Variants in TRUB1 observed in about 807,000 individuals in gnomAD.
TRUB1 encodes the protein TruB pseudouridine synthase family member 1.
A neutral mutation model predicts 33.9 loss-of-function variants in TRUB1; 23 were observed. The observed-to-expected ratio is 0.68, with a 90% CI of 0.49 to 0.96. The LOEUF (loss-of-function observed/expected upper bound fraction) is 0.96, where lower values mean the gene tolerates loss of function less well. TRUB1 is among the 40% of genes least tolerant of loss of function. The probability of loss-of-function intolerance (pLI) is 0.00; values close to 1 mark genes in which losing one functional copy is unlikely to be tolerated. For synonymous variants in TRUB1, 163 were observed against 165.4 expected, an observed-to-expected ratio of 0.99 and a Z score of 0.11; for missense variants, 378 against 422.2, an observed-to-expected ratio of 0.90 and a Z score of 0.92.
At chr10:114,959,432 G>A (rs2084275909) in intron 3 of TRUB1, among the ~76,000 whole-genome samples, 1 of 152,148 alleles carries the variant, frequency 6.6e-6, no homozygotes, top group African/African-American at 2.4e-5. Context: ...TCAGTATAAA[G>A]GTGGTTTGAG....
At chr10:114,969,840 G>A (rs920182857) in intron 4 of TRUB1, among the ~76,000 whole-genome samples, 30 of 152,120 alleles carry the variant, frequency 2.0e-4, no homozygotes, top group African/African-American at 5.8e-4. Context: ...ATGTGAGTGT[G>A]TAAAATTTCT....
At chr10:114,965,392 CTT>C (rs1421271250) in intron 4 of TRUB1, among the ~76,000 whole-genome samples, 2 of 152,018 alleles carry the variant, frequency 1.3e-5, no homozygotes, top group Non-Finnish European at 2.9e-5. Flanking sequence ...ATTAAAGTAA[CTT>C]TACATTTCTG....
intron 3 of TRUB1, among the ~76,000 whole-genome samples, chr10:114,956,844 G>A (rs2084263674): frequency 6.6e-6 from 1 of 152,116 alleles, no homozygotes; most frequent in African/African-American, 2.4e-5. Context: ...AAAAATGTGT[G>A]CCAGGGTTTC....
intron 5 of TRUB1, among the ~76,000 whole-genome samples, chr10:114,971,665 G>A (rs1398001210): frequency 1.3e-5 from 2 of 152,086 alleles, no homozygotes; most frequent in African/African-American, 2.4e-5. Flanking sequence ...GCTAAGATAC[G>A]CTAAGTAGGT....
chr10:114,972,332 G>T (rs2084340781), intron 6 of TRUB1, 58 bp downstream of exon 6: 2 of 1,524,784 alleles, frequency 1.3e-6, no homozygotes. Context: ...TTTGTATTTG[G>T]CTACTTTTGT....
intron 4 of TRUB1, among the ~76,000 whole-genome samples, chr10:114,962,118 C>T (rs1478123051): frequency 6.6e-6 from 1 of 152,170 alleles, no homozygotes; most frequent in Non-Finnish European, 1.5e-5. Flanking sequence ...TGCAGTGGTG[C>T]ACTCTTGGCT....
In TRUB1 at chr10:114,938,375, C is replaced by T; in HGVS notation, c.122C>T (p.Ala41Val). ...GCGACCCCGTCAGCAAGGGCTGCAG[C>T]CGCGGTGGTTGCGGCCGCGGCCAGG... ...MAATPSARAA[A>V]AVVAAAARTG... The change falls in exon 1 of 8, where the codon GCC (alanine) becomes GTC (valine). Residue 41 changes from alanine (A) to valine (V), a missense_variant. Coordinates refer to ENST00000298746, the MANE Select transcript of TRUB1 (RefSeq NM_139169.5). The T allele has an allele frequency of 6.2e-7, 1 of 1,609,968 alleles. No individual in the cohort carries two copies. Among genetic ancestry groups the T allele is most frequent in the Non-Finnish European group, 8.5e-7 (1 of 1,178,290 alleles).
At chr10:114,966,624 T>C (rs1268657291) in intron 4 of TRUB1, among the ~76,000 whole-genome samples, 1 of 152,214 alleles carries the variant, frequency 6.6e-6, no homozygotes, top group Non-Finnish European at 1.5e-5. Context: ...TGAAATAAGA[T>C]ATCTCTCTTC....
chr10:114,939,777 A>G (rs990743058), intron 1 of TRUB1, among the ~76,000 whole-genome samples: 1 of 150,922 alleles, frequency 6.6e-6, no homozygotes, highest in African/African-American at 2.4e-5. Flanking sequence ...GTTTTCCTTC[A>G]TAGAACTGCT....
intron 4 of TRUB1, among the ~76,000 whole-genome samples, chr10:114,967,258 A>G (rs1447836528): frequency 1.3e-5 from 2 of 152,216 alleles, no homozygotes; most frequent in East Asian, 1.9e-4. Context: ...ACAAGTGATC[A>G]TGAGACTTGC....
intron 3 of TRUB1, among the ~76,000 whole-genome samples, chr10:114,959,043 G>C (rs747106525): frequency 4.3e-4 from 65 of 152,272 alleles, no homozygotes; most frequent in Non-Finnish European, 8.2e-4. Context: ...GGGTGAGGCA[G>C]GAGAATCGCT....
chr10:114,951,069 T>C, intron 2 of TRUB1, 25 bp from the exon 3 acceptor site: 5 of 1,604,044 alleles, frequency 3.1e-6, no homozygotes, highest in Non-Finnish European at 4.3e-6. Context: ...CAGAGTGTCA[T>C]AATATTTCTT....
Position 114,972,188 on chromosome 10 carries a change from G to T in TRUB1, c.650G>T (p.Gly217Val), listed in dbSNP as rs1262835945. Residue 217 changes from glycine (G) to valine (V), a missense_variant, in exon 6 of 8, where the codon GGT (glycine) becomes GTT (valine). Transcript: ENST00000298746. Reference sequence around the variant, plus strand: ...AGACTTTCGACTTTGATGAAGAGAGGTGAAGTCGTAGAAGCAAAACCTGCC... The same window carrying T: ...AGACTTTCGACTTTGATGAAGAGAGTTGAAGTCGTAGAAGCAAAACCTGCC... ...GQRLSTLMKR[G>V]EVVEAKPARP... 2 of 1,613,544 alleles carry T rather than the reference G, an allele frequency of 1.2e-6. No individual in the cohort carries two copies. Among genetic ancestry groups the T allele is most frequent in the African/African-American group, 2.7e-5 (2 of 74,872 alleles).
chr10:114,974,203 G>A, intron 6 of TRUB1, 126 bp from the exon 7 acceptor site: 1 of 712,656 alleles, frequency 1.4e-6, no homozygotes, highest in Non-Finnish European at 2.4e-6. Flanking sequence ...ATGTTTTAGT[G>A]CATAAATATT....
chr10:114,973,506 C>T (rs2084346096), intron 6 of TRUB1, among the ~76,000 whole-genome samples: 1 of 152,086 alleles, frequency 6.6e-6, no homozygotes, highest in African/African-American at 2.4e-5. Context: ...ATTAAAATCC[C>T]CAGGTGGTGA....
intron 6 of TRUB1, among the ~76,000 whole-genome samples, chr10:114,973,049 A>C (rs1000900460): frequency 1.3e-5 from 2 of 152,044 alleles, no homozygotes; most frequent in Non-Finnish European, 2.9e-5. Flanking sequence ...TTTAGAAATA[A>C]TGTCCCCAAA....
chr10:114,965,835 A>G (rs1057259009), intron 4 of TRUB1, among the ~76,000 whole-genome samples: 1 of 152,130 alleles, frequency 6.6e-6, no homozygotes, highest in Non-Finnish European at 1.5e-5. Flanking sequence ...AAATATTGGT[A>G]TAAAGCTGTT....
intron 1 of TRUB1, among the ~76,000 whole-genome samples, chr10:114,940,290 T>A (rs1446470544): frequency 6.6e-6 from 1 of 151,944 alleles, no homozygotes; most frequent in African/African-American, 2.4e-5. Context: ...CCCAGCTAAT[T>A]TTGTATTTTT....
chr10:114,968,686 C>G (rs573405553), intron 4 of TRUB1, among the ~76,000 whole-genome samples: 1 of 152,074 alleles, frequency 6.6e-6, no homozygotes, highest in African/African-American at 2.4e-5. Flanking sequence ...TGTTATAGCT[C>G]TTCTGTCTGT....
Sources: gnomAD v4.1 joint callset for allele counts (sites outside exome capture counted in the v4.1 genomes callset) on GRCh38, gnomAD v4.1.1 for gene constraint, MANE v1.5 for transcripts, NCBI Gene and HGNC (gene_info 2026-07-23, HGNC 2026-07-21) for gene names.